Variants in UBE4B observed in about 807,000 individuals in gnomAD.
UBE4B encodes ubiquitination factor E4B.
Under a neutral mutation model 148.1 loss-of-function variants are expected in UBE4B, and 27 were observed. That is an observed-to-expected ratio of 0.18 (90% confidence interval 0.13 to 0.25). The LOEUF is 0.25. UBE4B is among the 10% of genes least tolerant of loss of function. The pLI, the probability that UBE4B is intolerant of heterozygous loss-of-function variation, is 1.00. For missense variants in UBE4B, 1,170 were observed against 1,662.4 expected, an observed-to-expected ratio of 0.70 and a Z score of 5.15; for synonymous variants, 596 against 619.3, an observed-to-expected ratio of 0.96 and a Z score of 0.56.
chr1:10,131,217 C>T (rs1645587263), intron 14 of UBE4B, among the ~76,000 whole-genome samples: 1 of 152,234 alleles, frequency 6.6e-6, no homozygotes, highest in South Asian at 2.1e-4. Flanking sequence ...TGGCTCATGC[C>T]TGTAATCCCA....
rs1377555923 is a variant in UBE4B, at chr1:10,126,884, C to T, written c.1638+7C>T. On this transcript the variant is annotated splice_region_variant and intron_variant, in intron 11 of 27. Coordinates refer to ENST00000343090, the MANE Select transcript of UBE4B (RefSeq NM_001105562.3). Reference sequence around the variant, plus strand: ...CTTTAAATACCCCCTCATGGTAAAACTTTGTTCTTTTTCTTTAACTCATTC... The same window carrying T: ...CTTTAAATACCCCCTCATGGTAAAATTTTGTTCTTTTTCTTTAACTCATTC... 1.9e-6 allele frequency: 3 copies of T among 1,611,086 alleles called. No individual in the cohort carries two copies. In the South Asian group the frequency reaches 3.3e-5, roughly 18 times the overall value.
At position 10,165,875 on chromosome 1, in the gene UBE4B, A is replaced by T. The variant is rs568993414; in HGVS notation, c.3199-2261A>T. Among the ~76,000 whole-genome samples the T allele has an allele frequency of 2.0e-5, 3 of 152,288 alleles. No individual in the cohort carries two copies. The East Asian group carries it at 5.8e-4, about 29-fold the overall frequency. On this transcript the variant is annotated intron_variant, in intron 23 of 27. Coordinates refer to ENST00000343090, the MANE Select transcript of UBE4B (RefSeq NM_001105562.3). ...CTGGGTATTTGTTTCTATGAAGCAG[A>T]TCCTCCCTAACGGAATCTAAGCTGC...
intron 8 of UBE4B, 138 bp from the exon 9 acceptor site, chr1:10,119,375 G>A (rs989042560): frequency 9.5e-6 from 7 of 734,456 alleles, no homozygotes; most frequent in Non-Finnish European, 1.6e-5. Flanking sequence ...CACAGTTACT[G>A]TAGCTCGTTC....
At chr1:10,167,441 A>AAATAATAATAATAATAATAAT (rs200457569) in intron 23 of UBE4B, among the ~76,000 whole-genome samples, 10 of 147,184 alleles carry the variant, frequency 6.8e-5, no homozygotes, top group African/African-American at 2.3e-4. Context: ...CCGTCTCAAA[A>AAATAATAATAATAATAATAAT]AATAATAATA....
intron 1 of UBE4B, among the ~76,000 whole-genome samples, chr1:10,051,541 G>A (rs796216860): frequency 8.5e-5 from 13 of 152,212 alleles, no homozygotes; most frequent in African/African-American, 2.9e-4. Flanking sequence ...CCTCTCCCCC[G>A]ACCCATTAGT....
intron 1 of UBE4B, among the ~76,000 whole-genome samples, chr1:10,055,460 G>A (rs772123342): frequency 1.5e-4 from 23 of 152,110 alleles, no homozygotes; most frequent in Admixed American, 9.2e-4. Context: ...GACTACAGGC[G>A]TGTGCTGCCA....
intron 21 of UBE4B, among the ~76,000 whole-genome samples, chr1:10,155,873 G>C (rs1646061249): frequency 6.6e-6 from 1 of 152,004 alleles, no homozygotes; most frequent in Non-Finnish European, 1.5e-5. Flanking sequence ...AAATACAAAA[G>C]ATTATCCGGG....
chr1:10,063,018 C>T (rs1392990888), intron 1 of UBE4B, among the ~76,000 whole-genome samples: 1 of 150,096 alleles, frequency 6.7e-6, no homozygotes, highest in East Asian at 2.0e-4. Flanking sequence ...TGGGGCTGGG[C>T]ATACTTTGGG....
chr1:10,151,676 A>G, intron 21 of UBE4B, 115 bp downstream of exon 21: 1 of 873,848 alleles, frequency 1.1e-6, no homozygotes, highest in Non-Finnish European at 1.8e-6. Flanking sequence ...ACCTGTGTGT[A>G]TAGCCTACTA....
At chr1:10,095,376 G>T (rs1644914426) in intron 2 of UBE4B, 85 bp from the exon 3 acceptor site, 1 of 1,537,956 alleles carries the variant, frequency 6.5e-7, no homozygotes. Flanking sequence ...GGTGACTGCA[G>T]ATTGTGCGTG....
Position 10,038,163 on chromosome 1 carries a change from C to T in UBE4B, c.24+4469C>T, listed in dbSNP as rs186357325. On this transcript the variant is annotated intron_variant, in intron 1 of 27. Coordinates refer to ENST00000343090, the MANE Select transcript of UBE4B (RefSeq NM_001105562.3). ...GGCGTGGTGGCACATGCCTGTGATC[C>T]GAGGTACTCAGGAGGCTGAGGCAGG... Among the ~76,000 whole-genome samples the T allele has an allele frequency of 2.6e-4, 39 of 151,702 alleles. 1 individual carries two copies. The highest frequency in any genetic ancestry group is 2.3e-3 in the South Asian group (11 of 4,798).
Position 10,149,176 on chromosome 1 carries a change from T to C in UBE4B, c.2592-8T>C. 6.3e-7 allele frequency: 1 copy of C among 1,575,092 alleles called. No individual in the cohort carries two copies. On this transcript the variant is annotated splice_polypyrimidine_tract_variant and splice_region_variant and intron_variant, in intron 19 of 27. Transcript: ENST00000343090. ...TTTAATAAATTGTCCTTTTTTTCTC[T>C]TTGACAGTATAACACTGCCTTTAAA...
At chr1:10,048,680 A>C (rs1643965377) in intron 1 of UBE4B, among the ~76,000 whole-genome samples, 1 of 152,194 alleles carries the variant, frequency 6.6e-6, no homozygotes, top group African/African-American at 2.4e-5. Flanking sequence ...AGGAGGACCA[A>C]GACGTGACTA....
chr1:10,166,402 A>C (rs904825516), intron 23 of UBE4B: 18 of 152,156 alleles, frequency 1.2e-4, no homozygotes, highest in African/African-American at 4.3e-4. Flanking sequence ...ACAAAATTTT[A>C]AAAGCTTAGT....
intron 1 of UBE4B, among the ~76,000 whole-genome samples, chr1:10,069,349 G>A (rs1474325971): frequency 6.6e-6 from 1 of 152,154 alleles, no homozygotes; most frequent in African/African-American, 2.4e-5. Context: ...GTCAGACACT[G>A]TTCTAGGCAC....
chr1:10,070,075 G>A (rs1284180989), intron 1 of UBE4B, among the ~76,000 whole-genome samples: 1 of 152,002 alleles, frequency 6.6e-6, no homozygotes, highest in Non-Finnish European at 1.5e-5. Context: ...AGGAATTTGA[G>A]ACCAGCCTGG....
chr1:10,119,277 A>T (rs149708700), intron 8 of UBE4B, among the ~76,000 whole-genome samples: 2,632 of 152,136 alleles, frequency 0.017, 33 homozygotes, highest in Non-Finnish European at 0.027. Flanking sequence ...CTGGCCTCTA[A>T]GGTTCTTAAG....
chr1:10,136,641 G>T (rs1830501), intron 16 of UBE4B, among the ~76,000 whole-genome samples: 3 of 152,310 alleles, frequency 2.0e-5, no homozygotes, highest in Admixed American at 6.5e-5. Context: ...AACTTCTGGC[G>T]GGGCATGGTG....
intron 24 of UBE4B, among the ~76,000 whole-genome samples, chr1:10,170,633 C>T (rs1646325044): frequency 6.6e-6 from 1 of 152,204 alleles, no homozygotes; most frequent in East Asian, 1.9e-4. Context: ...TAACTTTTAT[C>T]TTCTTTCCTT....
Sources: gnomAD v4.1 joint callset for allele counts (sites outside exome capture counted in the v4.1 genomes callset) on GRCh38, gnomAD v4.1.1 for gene constraint, MANE v1.5 for transcripts, NCBI Gene and HGNC (gene_info 2026-07-23, HGNC 2026-07-21) for gene names.